TMBIM6: variants seen among roughly 807,000 people sequenced by gnomAD.
TMBIM6 encodes bax inhibitor 1.
TMBIM6 carries 13 observed loss-of-function variants against 31.4 expected under a neutral mutation model. The observed-to-expected ratio is 0.41, with a 90% CI of 0.27 to 0.66. The LOEUF is 0.66. Ranked by LOEUF, TMBIM6 falls within the 30% of genes least tolerant of loss-of-function variation. The probability of loss-of-function intolerance (pLI) is 0.28; values close to 1 mark genes in which losing one functional copy is unlikely to be tolerated. For synonymous variants in TMBIM6, 85 were observed against 101.7 expected (o/e 0.84, Z 0.99); for missense variants, 275 against 289.5 (o/e 0.95, Z 0.36).
At chr12:49,744,114 C>T (rs1352430236) in intron 1 of TMBIM6, among the ~76,000 whole-genome samples, 2 of 152,110 alleles carry the variant, frequency 1.3e-5, no homozygotes, top group African/African-American at 4.8e-5. Context: ...TAAAATGGGC[C>T]TAATCTTTCC....
intron 1 of TMBIM6, among the ~76,000 whole-genome samples, chr12:49,748,744 A>G (rs1299296804): frequency 6.6e-6 from 1 of 152,232 alleles, no homozygotes; most frequent in Non-Finnish European, 1.5e-5. Flanking sequence ...ATTGTATTCT[A>G]TGTAAATAAC....
chr12:49,758,572 T>C (rs1945652151), intron 6 of TMBIM6, 92 bp downstream of exon 6: 1 of 1,546,772 alleles, frequency 6.5e-7, no homozygotes, highest in Non-Finnish European at 8.9e-7. Flanking sequence ...CCTTTGCGAC[T>C]ATTGAGTTGA....
At chr12:49,742,164 GCTC>G in intron 1 of TMBIM6, 1 of 1,613,096 alleles carries the variant, frequency 6.2e-7, no homozygotes. Flanking sequence ...GACACGCGAG[GCTC>G]CTCAGTTACT....
chr12:49,760,037 G>A (rs184394214), intron 8 of TMBIM6, among the ~76,000 whole-genome samples: 47 of 148,492 alleles, frequency 3.2e-4, no homozygotes, highest in Non-Finnish European at 5.2e-4. Flanking sequence ...GTGTGAACCG[G>A]GGAGGCGGAG....
chr12:49,752,871 C>A (rs1311878227), intron 2 of TMBIM6, 102 bp from the exon 3 acceptor site: 3 of 1,119,312 alleles, frequency 2.7e-6, no homozygotes, highest in South Asian at 1.5e-5. Context: ...TGTAACAGAA[C>A]TTTTACATAT....
chr12:49,759,461 G>A (rs1431291206), intron 8 of TMBIM6, 140 bp downstream of exon 8: 15 of 677,966 alleles, frequency 2.2e-5, no homozygotes, highest in Non-Finnish European at 3.9e-5. Flanking sequence ...TTTTGGAACT[G>A]TGTACCATAA....
Position 49,755,062 on chromosome 12 carries a change from A to G in TMBIM6, c.166-573A>G, listed in dbSNP as rs184497350. ...ACCTCTGCCTCCCTGGGTTCAAGCA[A>G]TTCTCTTGCCTCAGCCTCCTGAGTA... On this transcript the variant is annotated intron_variant, in intron 3 of 9. Coordinates refer to ENST00000267115, the MANE Select transcript of TMBIM6 (RefSeq NM_003217.3). Among the ~76,000 whole-genome samples the G allele has an allele frequency of 2.6e-3, 403 of 152,206 alleles. 6 individuals are homozygous for G. Among genetic ancestry groups the G allele is most frequent in the Admixed American group, 0.023 (348 of 15,292 alleles).
Position 49,758,223 on chromosome 12 carries a change from C to G in TMBIM6, c.287-4C>G. On this transcript the variant is annotated splice_region_variant and splice_polypyrimidine_tract_variant and intron_variant, in intron 4 of 9. Coordinates refer to ENST00000267115, the MANE Select transcript of TMBIM6 (RefSeq NM_003217.3). ...TACTGTGTTCTGGGTTTTCTGTTTT[C>G]TAGGAGTTGGCCTGGGCCCTGCCCT... 1 of 1,614,168 alleles carries G rather than the reference C, an allele frequency of 6.2e-7. No homozygotes were observed. The highest frequency in any genetic ancestry group is 8.5e-7 in the Non-Finnish European group (1 of 1,180,010).
At chr12:49,742,177 T>C in intron 1 of TMBIM6, 1 of 1,613,532 alleles carries the variant, frequency 6.2e-7, no homozygotes, top group South Asian at 1.1e-5. Flanking sequence ...CCTCAGTTAC[T>C]TAGCCAACGG....
At chr12:49,761,100 T>C (rs1439666124) in intron 8 of TMBIM6, among the ~76,000 whole-genome samples, 4 of 152,090 alleles carry the variant, frequency 2.6e-5, no homozygotes, top group Non-Finnish European at 5.9e-5. Flanking sequence ...CCTTCCAAAG[T>C]GCTGGGATTA....
At position 49,755,701 on chromosome 12, in the gene TMBIM6, C is replaced by G. The variant is rs186525370; in HGVS notation, c.232C>G (p.His78Asp). The G allele has an allele frequency of 3.7e-6, 6 of 1,614,180 alleles. No individual in the cohort carries two copies. In the East Asian group the frequency reaches 1.3e-4, roughly 36 times the overall value. Residue 78 changes from histidine to aspartate, a missense_variant, in exon 4 of 10, where the codon CAT (histidine) becomes GAT (aspartate). His to Asp is a moderately conservative substitution (Grantham distance 81). Transcript: ENST00000267115. ...MIWLMATPHS[H>D]ETEQKRLGLL... ...TTGGCTGATGGCAACACCTCATAGC[C>G]ATGAAACTGAACAGAAAAGACTGGG...
intron 1 of TMBIM6, among the ~76,000 whole-genome samples, chr12:49,748,027 C>T (rs112714514): frequency 6.6e-6 from 1 of 152,166 alleles, no homozygotes; most frequent in Non-Finnish European, 1.5e-5. Flanking sequence ...CCTCAGCCTC[C>T]TGAGTAGCTG....
chr12:49,752,814 AT>A, intron 2 of TMBIM6, 158 bp from the exon 3 acceptor site: 1 of 783,964 alleles, frequency 1.3e-6, no homozygotes, highest in African/African-American at 1.8e-5. Flanking sequence ...TTTTCAAAAT[AT>A]TATTTTTTAT....
chr12:49,762,386 A>G (rs1432727067), intron 9 of TMBIM6, among the ~76,000 whole-genome samples: 1 of 152,264 alleles, frequency 6.6e-6, no homozygotes, highest in Non-Finnish European at 1.5e-5. Context: ...ATTCCTTAAT[A>G]CATTGGGCTT....
chr12:49,748,179 G>A (rs1945431167), intron 1 of TMBIM6, among the ~76,000 whole-genome samples: 2 of 152,160 alleles, frequency 1.3e-5, no homozygotes, highest in Admixed American at 1.3e-4. Flanking sequence ...TGGGATTACA[G>A]GCGTGAGCCA....
At chr12:49,760,035 C>T (rs192483630) in intron 8 of TMBIM6, among the ~76,000 whole-genome samples, 5 of 147,416 alleles carry the variant, frequency 3.4e-5, no homozygotes, top group Middle Eastern at 3.4e-3. Context: ...TGGTGTGAAC[C>T]GGGGAGGCGG....
At chr12:49,760,627 C>T (rs978540052) in intron 8 of TMBIM6, among the ~76,000 whole-genome samples, 1 of 147,436 alleles carries the variant, frequency 6.8e-6, no homozygotes, top group African/African-American at 2.5e-5. Flanking sequence ...ACCTCCGCCT[C>T]CTGGGTTCAA....
chr12:49,760,135 T>TG (rs1186173205), intron 8 of TMBIM6, among the ~76,000 whole-genome samples: 7 of 149,408 alleles, frequency 4.7e-5, no homozygotes, highest in South Asian at 4.2e-4. Context: ...AAAAAAGTGT[T>TG]GGGGGGTGGC....
At chr12:49,761,859 T>G in intron 9 of TMBIM6, 80 bp downstream of exon 9, 2 of 1,396,284 alleles carry the variant, frequency 1.4e-6, no homozygotes, top group Non-Finnish European at 2.0e-6. Context: ...ATTTGAAAAC[T>G]TGCTCACACA....
Sources: allele counts gnomAD v4.1 joint callset (sites outside exome capture counted in the v4.1 genomes callset), GRCh38; gene constraint gnomAD v4.1.1; transcripts MANE v1.5; gene names NCBI Gene and HGNC (gene_info 2026-07-23, HGNC 2026-07-21).